Variants in CA10 observed in about 807,000 individuals in gnomAD.
CA10 encodes carbonic anhydrase-related protein 10.
CA10 carries 14 observed loss-of-function variants against 44.2 expected under a neutral mutation model. The ratio of observed to expected loss-of-function variants is 0.32; its 90% confidence interval spans 0.21 to 0.50. The LOEUF (loss-of-function observed/expected upper bound fraction) is 0.50. Among genes scored for constraint, CA10 ranks in the 20% least tolerant of loss-of-function variants. The pLI is 0.99. For synonymous variants in CA10, 159 were observed against 141.6 expected (o/e 1.12, Z -0.87); for missense variants, 350 against 409.7 (o/e 0.85, Z 1.26).
chr17:51,801,631 G>A (rs1439136519), intron 3 of CA10, among the ~76,000 whole-genome samples: 1 of 152,176 alleles, frequency 6.6e-6, no homozygotes, highest in Non-Finnish European at 1.5e-5. Flanking sequence ...AGAAAGAAGA[G>A]TAAGCAGTGT....
intron 3 of CA10, among the ~76,000 whole-genome samples, chr17:51,887,261 A>G (rs1442435785): frequency 6.6e-6 from 1 of 152,184 alleles, no homozygotes; most frequent in Non-Finnish European, 1.5e-5. Flanking sequence ...ACCCCCTCCA[A>G]TAGAACTGCT....
At chr17:51,753,033 G>A (rs978497404) in intron 3 of CA10, among the ~76,000 whole-genome samples, 10 of 152,180 alleles carry the variant, frequency 6.6e-5, no homozygotes, top group African/African-American at 2.4e-4. Flanking sequence ...CAGAAAAAGT[G>A]GGATCTTTTT....
intron 2 of CA10, among the ~76,000 whole-genome samples, chr17:52,034,145 T>C (rs1241905143): frequency 6.6e-6 from 1 of 152,198 alleles, no homozygotes; most frequent in Admixed American, 6.5e-5. Context: ...CAGTATTGTA[T>C]TGTATACTTA....
chr17:51,677,926 A>G (rs1010430130), intron 4 of CA10, among the ~76,000 whole-genome samples: 3 of 151,196 alleles, frequency 2.0e-5, no homozygotes, highest in African/African-American at 7.3e-5. Flanking sequence ...TAGGTACCCA[A>G]ACTGAAAACT....
At chr17:51,643,740 C>A (rs1725935112) in intron 6 of CA10, among the ~76,000 whole-genome samples, 1 of 152,172 alleles carries the variant, frequency 6.6e-6, no homozygotes, top group Non-Finnish European at 1.5e-5. Flanking sequence ...ATCATAGCAA[C>A]CTGCCTCCTC....
intron 4 of CA10, among the ~76,000 whole-genome samples, chr17:51,743,088 A>G (rs1904528345): frequency 6.6e-6 from 1 of 152,236 alleles, no homozygotes; most frequent in Admixed American, 6.5e-5. Context: ...TGAAGAGTGG[A>G]TGAAATTAAC....
intron 3 of CA10, among the ~76,000 whole-genome samples, chr17:51,827,125 G>A (rs977156560): frequency 2.6e-5 from 4 of 152,092 alleles, no homozygotes; most frequent in South Asian, 2.1e-4. Context: ...AGCTCTCACC[G>A]TTTTTACCAG....
chr17:51,915,991 A>T (rs938690306), intron 3 of CA10, among the ~76,000 whole-genome samples: 2 of 151,874 alleles, frequency 1.3e-5, no homozygotes, highest in Non-Finnish European at 2.9e-5. Context: ...CTTACCTTTT[A>T]GATTCAGAAA....
In CA10 at chr17:52,144,344, G is replaced by C. The variant is rs903086782; in HGVS notation, c.61+13382C>G. ...TCTAGAATTTACTAATGTATTAAGT[G>C]GGAAAAAATAATAAGCAAATTCCTG... On this transcript the variant is annotated intron_variant, in intron 1 of 8. Coordinates refer to ENST00000451037, the MANE Select transcript of CA10 (RefSeq NM_020178.5). Among the ~76,000 whole-genome samples the C allele has an allele frequency of 1.1e-4, 16 of 152,052 alleles. 1 individual carries two copies. Among genetic ancestry groups the C allele is most frequent in the Admixed American group, 1.3e-4 (2 of 15,268 alleles).
At chr17:52,060,017 A>T (rs1015950380) in intron 2 of CA10, among the ~76,000 whole-genome samples, 1 of 152,176 alleles carries the variant, frequency 6.6e-6, no homozygotes, top group Non-Finnish European at 1.5e-5. Flanking sequence ...ATCAATCTCT[A>T]GCCTTGTTGA....
At chr17:51,687,526 A>C (rs1008401444) in intron 4 of CA10, among the ~76,000 whole-genome samples, 2 of 152,362 alleles carry the variant, frequency 1.3e-5, no homozygotes, top group Non-Finnish European at 2.9e-5. Flanking sequence ...TATCAATGAA[A>C]GAAAGCAAGG....
chr17:52,055,995 T>C (rs544692664), intron 2 of CA10, among the ~76,000 whole-genome samples: 1 of 152,104 alleles, frequency 6.6e-6, no homozygotes, highest in African/African-American at 2.4e-5. Flanking sequence ...AACTGGGAAG[T>C]GACTGGAACT....
At chr17:52,155,261 C>A (rs1398241227) in intron 1 of CA10, among the ~76,000 whole-genome samples, 1 of 152,148 alleles carries the variant, frequency 6.6e-6, no homozygotes, top group Admixed American at 6.5e-5. Flanking sequence ...TAAAGAGGTG[C>A]TTTGTTTTTA....
At chr17:52,007,950 C>G (rs983690384) in intron 2 of CA10, among the ~76,000 whole-genome samples, 2 of 151,676 alleles carry the variant, frequency 1.3e-5, no homozygotes, top group Admixed American at 6.6e-5. Flanking sequence ...AACTATCCAT[C>G]TCTTAATATT....
intron 2 of CA10, among the ~76,000 whole-genome samples, chr17:51,951,597 T>A (rs1043042283): frequency 3.9e-4 from 59 of 152,292 alleles, no homozygotes; most frequent in African/African-American, 1.3e-3. Context: ...TACAAATACC[T>A]TTTTGTCCTC....
Position 51,831,690 on chromosome 17 carries a change from G to T in CA10, c.280-83872C>A, listed in dbSNP as rs112522637. On this transcript the variant is annotated intron_variant, in intron 3 of 8. Transcript: ENST00000451037. ...AAAAGCAGCAGCAGCAGCAGCAGCA[G>T]CAGCAGCAGCAGCAGCAGCAGCAGC... is the stretch of plus-strand genomic sequence containing the variant. 5.2e-4 allele frequency among the ~76,000 whole-genome samples: 42 copies of T among 81,272 alleles called. 1 individual carries two copies. Among genetic ancestry groups the T allele is most frequent in the African/African-American group, 1.5e-3 (41 of 27,204 alleles). The allele number at this position is 81,272 out of a possible 152,430, so 53.3% of individuals were successfully genotyped here.
chr17:51,901,084 C>A (rs183934401), intron 3 of CA10, among the ~76,000 whole-genome samples: 1 of 152,146 alleles, frequency 6.6e-6, no homozygotes, highest in Non-Finnish European at 1.5e-5. Flanking sequence ...AAGAAGACAT[C>A]TTGGCTTTTT....
At chr17:51,845,979 T>G (rs138748765) in intron 3 of CA10, among the ~76,000 whole-genome samples, 1 of 152,094 alleles carries the variant, frequency 6.6e-6, no homozygotes, top group African/African-American at 2.4e-5. Flanking sequence ...AATTCACATA[T>G]CTATGTGAAC....
intron 1 of CA10, among the ~76,000 whole-genome samples, chr17:52,126,814 C>G (rs547079153): frequency 2.6e-5 from 4 of 152,122 alleles, no homozygotes; most frequent in Admixed American, 6.5e-5. Flanking sequence ...CAAAAAATTG[C>G]AGCATACTTT....
Sources: allele counts gnomAD v4.1 joint callset (sites outside exome capture counted in the v4.1 genomes callset), GRCh38; gene constraint gnomAD v4.1.1; transcripts MANE v1.5; gene names NCBI Gene and HGNC (gene_info 2026-07-23, HGNC 2026-07-21).